PLSCR5: variants seen among roughly 807,000 people sequenced by gnomAD.
PLSCR5 encodes phospholipid scramblase family member 5.
A neutral mutation model predicts 33.6 loss-of-function variants in PLSCR5; 44 were observed. The observed-to-expected ratio is 1.31, with a 90% CI of 1.03 to 1.69. PLSCR5 has a LOEUF of 1.69. Among genes scored for constraint, PLSCR5 ranks in the 40% most tolerant of loss-of-function variants. PLSCR5 has a pLI of 0.00. For missense variants in PLSCR5, 375 were observed against 318.7 expected (o/e 1.18, Z -1.34); for synonymous variants, 148 against 112.3 (o/e 1.32, Z -2.01).
chr3:146,579,397 T>A (rs1414183246), intron 7 of PLSCR5, among the ~76,000 whole-genome samples: 1 of 152,092 alleles, frequency 6.6e-6, no homozygotes, highest in Non-Finnish European at 1.5e-5. Flanking sequence ...GTAGTAAACG[T>A]TTATGTTATT....
rs547060811 is a variant in PLSCR5 at position 146,599,060 on chromosome 3, T to C, written c.189+1228A>G. Among the ~76,000 whole-genome samples, 349 of 152,326 alleles carry C rather than the reference T, an allele frequency of 2.3e-3. 1 individual carries two copies. The highest frequency in any genetic ancestry group is 3.1e-3 in the Non-Finnish European group (213 of 68,030). On this transcript the variant is annotated intron_variant, in intron 2 of 7. Coordinates refer to ENST00000443512, the MANE Select transcript of PLSCR5 (RefSeq NM_001085420.2). ...CAAACAAGCTGAAAATTGCAGCAGA[T>C]GTGCTGACATCTCAATATTAGTGTA...
chr3:146,585,454 G>A (rs2044659618), downstream of PLSCR5, among the ~76,000 whole-genome samples: 1 of 152,008 alleles, frequency 6.6e-6, no homozygotes, highest in South Asian at 2.1e-4. Context: ...CTTACCACTA[G>A]AATGAATTGA....
intron 3 of PLSCR5, 54 bp from the exon 4 acceptor site, chr3:146,594,194 C>G: frequency 1.5e-6 from 2 of 1,314,416 alleles, no homozygotes; most frequent in Non-Finnish European, 2.1e-6. Context: ...GTATTGATAA[C>G]TTTAAATAAA....
exon 8 of PLSCR5, chr3:146,576,605 A>G (rs552884072): frequency 1.3e-5 from 2 of 152,196 alleles, no homozygotes; most frequent in South Asian, 2.1e-4. Flanking sequence ...AGTCTTCAAT[A>G]TATGGAGGTT....
At chr3:146,598,698 T>G (rs945054337) in intron 2 of PLSCR5, among the ~76,000 whole-genome samples, 3 of 152,226 alleles carry the variant, frequency 2.0e-5, no homozygotes, top group Non-Finnish European at 4.4e-5. Flanking sequence ...CTTTTATACT[T>G]GGCAAAACCT....
chr3:146,602,903 A>G (rs2044831096), intron 1 of PLSCR5, among the ~76,000 whole-genome samples: 1 of 152,066 alleles, frequency 6.6e-6, no homozygotes, highest in Admixed American at 6.6e-5. Context: ...ATTTAGGAGT[A>G]GAGTGTGAGT....
chr3:146,599,117 A>G (rs1486173119), intron 2 of PLSCR5, among the ~76,000 whole-genome samples: 1 of 152,224 alleles, frequency 6.6e-6, no homozygotes, highest in Non-Finnish European at 1.5e-5. Flanking sequence ...AGGATAAAAT[A>G]CAAAAGCAAC....
intron 1 of PLSCR5, among the ~76,000 whole-genome samples, chr3:146,603,979 A>AT (rs2044842256): frequency 6.6e-6 from 1 of 152,102 alleles, no homozygotes; most frequent in African/African-American, 2.4e-5. Context: ...TTAAAGATTG[A>AT]TAAAAAATGG....
At chr3:146,590,997 G>A (rs201079658) in intron 5 of PLSCR5, among the ~76,000 whole-genome samples, 1 of 141,886 alleles carries the variant, frequency 7.0e-6, no homozygotes, top group Admixed American at 7.0e-5. Flanking sequence ...GTTTTTTTTT[G>A]TTTTTTTTTT....
downstream of PLSCR5, among the ~76,000 whole-genome samples, chr3:146,582,752 C>T (rs1031508426): frequency 3.9e-5 from 6 of 152,158 alleles, no homozygotes; most frequent in African/African-American, 1.4e-4. Flanking sequence ...GGCCTGAACT[C>T]TGCTAAGATG....
chr3:146,589,134 G>T (rs1366326014), intron 6 of PLSCR5, among the ~76,000 whole-genome samples: 2 of 152,140 alleles, frequency 1.3e-5, no homozygotes, highest in African/African-American at 4.8e-5. Context: ...ATAATTGTAA[G>T]TTGGAAAGTA....
intron 1 of PLSCR5, among the ~76,000 whole-genome samples, chr3:146,603,761 T>C (rs930978876): frequency 3.9e-5 from 6 of 152,152 alleles, no homozygotes; most frequent in Admixed American, 3.3e-4. Flanking sequence ...GTAACTCTTA[T>C]TTTATAAAGT....
At chr3:146,586,397 A>G (rs10049152) in intron 6 of PLSCR5, among the ~76,000 whole-genome samples, 7,248 of 152,284 alleles carry the variant, frequency 0.048, 177 homozygotes, top group African/African-American at 0.056. Context: ...GAAAAATTTA[A>G]AAATTTTAAG....
rs148985978 is a variant in PLSCR5 at position 146,588,965 on chromosome 3, T to C, written c.777+688A>G. Among the ~76,000 whole-genome samples the C allele has an allele frequency of 3.9e-3, 601 of 152,264 alleles. 5 individuals carry two copies. Among genetic ancestry groups the C allele is most frequent in the African/African-American group, 0.014 (575 of 41,550 alleles). On this transcript the variant is annotated intron_variant, in intron 6 of 7. Transcript: ENST00000443512. ...TATATATCAACAAATAAAAACTCCA[T>C]AAGTTTTTATGGCTGCATTGAAAAT...
intron 5 of PLSCR5, 102 bp downstream of exon 5, chr3:146,591,618 A>G: frequency 7.9e-7 from 1 of 1,266,894 alleles, no homozygotes; most frequent in Non-Finnish European, 1.1e-6. Context: ...CATTTTCTGA[A>G]CTTATTTTAA....
chr3:146,600,970 C>A (rs1468667247), intron 1 of PLSCR5, among the ~76,000 whole-genome samples: 1 of 147,096 alleles, frequency 6.8e-6, no homozygotes, highest in South Asian at 2.1e-4. Flanking sequence ...TATATATATA[C>A]TTATTTTTAT....
downstream of PLSCR5, among the ~76,000 whole-genome samples, chr3:146,584,512 G>A (rs1163254860): frequency 1.3e-5 from 2 of 152,162 alleles, no homozygotes; most frequent in Non-Finnish European, 2.9e-5. Context: ...GGTCGCACGT[G>A]ATTTTAAAAT....
At chr3:146,591,141 T>C (rs951090606) in intron 5 of PLSCR5, among the ~76,000 whole-genome samples, 2 of 151,416 alleles carry the variant, frequency 1.3e-5, no homozygotes, top group Non-Finnish European at 3.0e-5. Flanking sequence ...GGAAAGAAGA[T>C]ACATAATTTA....
At chr3:146,596,291 C>T (rs1320031059) in intron 2 of PLSCR5, among the ~76,000 whole-genome samples, 1 of 152,170 alleles carries the variant, frequency 6.6e-6, no homozygotes, top group African/African-American at 2.4e-5. Context: ...TAGGTTCAAG[C>T]AATTCTCGTG....
Sources: allele counts gnomAD v4.1 joint callset (sites outside exome capture counted in the v4.1 genomes callset), GRCh38; gene constraint gnomAD v4.1.1; transcripts MANE v1.5; gene names NCBI Gene and HGNC (gene_info 2026-07-23, HGNC 2026-07-21).